The following MLLT10 variants were observed in gnomAD, a reference collection of about 807,000 sequenced individuals.
MLLT10 encodes the protein protein AF-10.
MLLT10 carries 30 observed loss-of-function variants against 129.1 expected under a neutral mutation model. The ratio of observed to expected loss-of-function variants is 0.23; its 90% CI spans 0.17 to 0.32. MLLT10 has a LOEUF of 0.32. MLLT10 is among the 10% of genes least tolerant of loss of function. The pLI, the probability that MLLT10 is intolerant of heterozygous loss-of-function variation, is 1.00. For missense variants in MLLT10, 1,119 were observed against 1,268.3 expected (o/e 0.88, Z 1.79); for synonymous variants, 490 against 446.4 (o/e 1.10, Z -1.23).
chr10:21,733,106 A>G lies in MLLT10; in HGVS notation c.2407+19A>G. On this transcript the variant is annotated intron_variant, in intron 18 of 22. Transcript: ENST00000307729. Reference sequence around the variant, plus strand: ...CAGACTGGTAAGTGTGAAAATATTTATTTTGTATCTAAGGAAAATAGGCTT... The same window carrying G: ...CAGACTGGTAAGTGTGAAAATATTTGTTTTGTATCTAAGGAAAATAGGCTT... 6.4e-7 allele frequency: 1 copy of G among 1,573,884 alleles called. No individual in the cohort carries two copies. The highest frequency in any genetic ancestry group is 8.6e-7 in the Non-Finnish European group (1 of 1,160,230).
chr10:21,729,188 ATTCTATGTTGTTT>A (rs1341531778), intron 16 of MLLT10, among the ~76,000 whole-genome samples: 3 of 152,156 alleles, frequency 2.0e-5, no homozygotes, highest in Non-Finnish European at 2.9e-5. Flanking sequence ...GCTGTGATTA[ATTCTATGTTGTTT>A]TTCTTTTCAA....
intron 3 of MLLT10, among the ~76,000 whole-genome samples, chr10:21,585,653 C>G (rs564953460): frequency 6.6e-6 from 1 of 152,358 alleles, no homozygotes; most frequent in South Asian, 2.1e-4. Context: ...AGCCTTGCCC[C>G]ATTCCTGTGT....
intron 3 of MLLT10, chr10:21,541,174 A>G (rs765840164): frequency 1.3e-5 from 2 of 152,158 alleles, no homozygotes; most frequent in African/African-American, 4.8e-5. Flanking sequence ...AAAAGAAAGA[A>G]ATAATGGTTG....
At position 21,742,858 on chromosome 10, in the gene MLLT10, C is replaced by T. The variant is rs1036917791; in HGVS notation, c.*875C>T. 18 of 229,076 alleles carry T rather than the reference C, an allele frequency of 7.9e-5. No homozygotes were observed. The highest frequency in any genetic ancestry group is 3.5e-4 in the African/African-American group (16 of 45,116). 14.2% of individuals were successfully genotyped at this position (229,076 alleles called of 1,614,324 possible). On this transcript the variant is annotated 3_prime_UTR_variant, in exon 23 of 23. Coordinates refer to ENST00000307729, the MANE Select transcript of MLLT10 (RefSeq NM_001195626.3). ...CTCCGAGCAGCAGGAATCATCCCGT[C>T]ACCTGCAGCCTTCCCATGCTTCCGC...
intron 5 of MLLT10, among the ~76,000 whole-genome samples, chr10:21,600,134 T>C (rs1322360821): frequency 6.6e-6 from 1 of 152,192 alleles, no homozygotes; most frequent in East Asian, 1.9e-4. Flanking sequence ...TTCTGGACTT[T>C]TTATGTGTTC....
intron 8 of MLLT10, among the ~76,000 whole-genome samples, chr10:21,642,837 T>C (rs2048148122): frequency 6.6e-6 from 1 of 152,102 alleles, no homozygotes; most frequent in Non-Finnish European, 1.5e-5. Context: ...CATGAGAAGG[T>C]GATCATGAAT....
At chr10:21,662,086 T>C (rs1477583659) in intron 9 of MLLT10, among the ~76,000 whole-genome samples, 1 of 152,160 alleles carries the variant, frequency 6.6e-6, no homozygotes. Context: ...CTGAGGCAAA[T>C]TCAGATATCA....
chr10:21,547,719 A>G (rs1402557860), intron 3 of MLLT10, among the ~76,000 whole-genome samples: 1 of 151,412 alleles, frequency 6.6e-6, no homozygotes, highest in Non-Finnish European at 1.5e-5. Context: ...TTGTATTTTT[A>G]ATAGAGATGG....
Position 21,580,389 on chromosome 10 carries a change from AT to A in MLLT10, c.241-5889del, listed in dbSNP as rs113206788. Reference sequence around the variant, plus strand: ...ACAGTCCTATTAATATATTTTGTGTATTTTTTTTTTTTTTTTCGAGATGGAG... The same window carrying A: ...ACAGTCCTATTAATATATTTTGTGTATTTTTTTTTTTTTTTCGAGATGGAG... On this transcript the variant is annotated intron_variant, in intron 3 of 22. Transcript: ENST00000307729. 6.8e-3 allele frequency among the ~76,000 whole-genome samples: 878 copies of A among 129,630 alleles called. 5 individuals carry two copies. Among genetic ancestry groups the A allele is most frequent in the African/African-American group, 0.019 (647 of 34,792 alleles). The allele number at this position is 129,630 out of a possible 152,430, so 85.0% of individuals were successfully genotyped here. A position where few individuals can be genotyped will look rare whatever the true frequency, so the allele number is the denominator to read the frequency against.
chr10:21,627,073 G>A (rs182975473), intron 8 of MLLT10, among the ~76,000 whole-genome samples: 30 of 152,114 alleles, frequency 2.0e-4, no homozygotes, highest in Admixed American at 4.6e-4. Flanking sequence ...TTTTTCAATA[G>A]TTTCAAACTT....
At chr10:21,711,201 TC>T (rs1202709377) in intron 13 of MLLT10, among the ~76,000 whole-genome samples, 1 of 151,846 alleles carries the variant, frequency 6.6e-6, no homozygotes, top group Non-Finnish European at 1.5e-5. Context: ...GACGGGCAGA[TC>T]ACCTGAGGTC....
intron 8 of MLLT10, among the ~76,000 whole-genome samples, chr10:21,632,971 C>T (rs1166823698): frequency 2.0e-5 from 3 of 152,026 alleles, no homozygotes; most frequent in East Asian, 1.9e-4. Flanking sequence ...TTAAACATGG[C>T]ATGTCAAAGA....
chr10:21,554,601 G>A (rs2037614252), intron 3 of MLLT10, among the ~76,000 whole-genome samples: 1 of 150,622 alleles, frequency 6.6e-6, no homozygotes, highest in Non-Finnish European at 1.5e-5. Flanking sequence ...TTACAGACAC[G>A]CACCACCACG....
chr10:21,712,076 T>C (rs2056143992), intron 13 of MLLT10, among the ~76,000 whole-genome samples: 1 of 152,218 alleles, frequency 6.6e-6, no homozygotes, highest in African/African-American at 2.4e-5. Flanking sequence ...GGAGAAATTG[T>C]AGATATAAAA....
In MLLT10 at chr10:21,555,675, A is replaced by AATTT. The variant is rs1554788897; in HGVS notation, c.240+16763_240+16764insATTT. 1.2e-4 allele frequency among the ~76,000 whole-genome samples: 16 copies of AATTT among 132,750 alleles called. 2 individuals are homozygous for AATTT. The highest frequency in any genetic ancestry group is 1.5e-4 in the Non-Finnish European group (9 of 61,196). The allele number at this position is 132,750 out of a possible 152,430, so 87.1% of individuals were successfully genotyped here. ...TCAGCCTTGATTCAAATGTAAGACA[A>AATTT]TTTTTTTTTTTTTTTTTTTGAGAGG... On this transcript the variant is annotated intron_variant, in intron 3 of 22. Transcript: ENST00000307729.
Position 21,740,143 on chromosome 10 carries a change from C to T in MLLT10, c.3069C>T (p.Asn1023=), listed in dbSNP as rs1270617333. 14 of 1,614,076 alleles carry T rather than the reference C, an allele frequency of 8.7e-6. No individual in the cohort carries two copies. Among genetic ancestry groups the T allele is most frequent in the Non-Finnish European group, 1.2e-5 (14 of 1,180,054 alleles). The change falls in exon 22 of 23, where the codon AAC becomes AAT. Residue 1023 remains asparagine (N), a synonymous_variant. Transcript: ENST00000307729. The part of the protein sequence containing the change: ...IPGPTQIPIN[N]LLAGTQAPPL... ...GACCAACACAAATACCCATAAACAACCTTCTTGCAGGTACACAGGCACCCC... is the reference window on the plus strand; with the variant it reads ...GACCAACACAAATACCCATAAACAATCTTCTTGCAGGTACACAGGCACCCC...
intron 4 of MLLT10, among the ~76,000 whole-genome samples, chr10:21,593,328 A>T (rs552470952): frequency 3.9e-4 from 60 of 152,184 alleles, no homozygotes; most frequent in African/African-American, 1.4e-3. Context: ...CCTGATCTCA[A>T]GTGATCCGCC....
At chr10:21,656,778 G>A (rs1332873899) in intron 9 of MLLT10, among the ~76,000 whole-genome samples, 1 of 152,066 alleles carries the variant, frequency 6.6e-6, no homozygotes, top group Non-Finnish European at 1.5e-5. Flanking sequence ...GTGGACCACC[G>A]GTGATACATA....
chr10:21,626,047 C>G (rs2046397974), intron 8 of MLLT10: 1 of 1,412,528 alleles, frequency 7.1e-7, no homozygotes, highest in African/African-American at 1.4e-5. Context: ...AATCATTTCT[C>G]TCAAGCAAGG....
Sources: allele counts gnomAD v4.1 joint callset (sites outside exome capture counted in the v4.1 genomes callset), GRCh38; gene constraint gnomAD v4.1.1; transcripts MANE v1.5; gene names NCBI Gene and HGNC (gene_info 2026-07-23, HGNC 2026-07-21).